The following EIF2AK2 variants were observed in gnomAD, a reference collection of about 807,000 sequenced individuals.
EIF2AK2 encodes eukaryotic translation initiation factor 2 alpha kinase 2.
Under a neutral mutation model 70.5 loss-of-function variants are expected in EIF2AK2, and 40 were observed. The observed-to-expected ratio is 0.57, with a 90% CI of 0.44 to 0.74. The LOEUF is 0.74. Ranked by LOEUF, EIF2AK2 falls within the 30% of genes least tolerant of loss-of-function variation. The pLI is 0.00. For missense variants in EIF2AK2, 555 were observed against 644.3 expected, an observed-to-expected ratio of 0.86 and a Z score of 1.50; for synonymous variants, 198 against 220.9, an observed-to-expected ratio of 0.90 and a Z score of 0.92.
At position 37,107,372 on chromosome 2, in the gene EIF2AK2, G is replaced by C; in HGVS notation, c.1557C>G (p.Leu519=). The change falls in exon 17 of 17, where the codon CTC becomes CTG. Residue 519 remains leucine (L), a synonymous_variant. Coordinates refer to ENST00000233057, the MANE Select transcript of EIF2AK2 (RefSeq NM_001135651.3). ...TAGGTCGATCCTCAGGTTTCTTTGA[G>C]AGTAATTTCTGTAGAAGAGTTTTCT... is the stretch of plus-strand genomic sequence containing the variant. The part of the protein sequence containing the change: ...KKEKTLLQKL[L]SKKPEDRPNT... The C allele has an allele frequency of 6.2e-7, 1 of 1,613,844 alleles. No individual in the cohort carries two copies. Among genetic ancestry groups the C allele is most frequent in the East Asian group, 2.2e-5 (1 of 44,846 alleles).
chr2:37,120,354 A>C (rs1484877052), intron 12 of EIF2AK2, among the ~76,000 whole-genome samples: 1 of 151,158 alleles, frequency 6.6e-6, no homozygotes, highest in Non-Finnish European at 1.5e-5. Flanking sequence ...AAATACAAAA[A>C]ATTAGCCAGG....
At position 37,146,351 on chromosome 2, in the gene EIF2AK2, G is replaced by A. The variant is rs537410560; in HGVS notation, c.240+502C>T. On this transcript the variant is annotated intron_variant, in intron 4 of 16. Transcript: ENST00000233057. ...AATGCATAACTGTATATGGGAAGAT[G>A]TAAATAGGTTATATGTAAATACTAT... 3.3e-5 allele frequency among the ~76,000 whole-genome samples: 5 copies of A among 152,332 alleles called. No homozygotes were observed. In the South Asian group the frequency reaches 6.2e-4, roughly 19 times the overall value.
chr2:37,111,921 ATCTCTC>A (rs71396206), intron 14 of EIF2AK2, among the ~76,000 whole-genome samples: 5 of 107,810 alleles, frequency 4.6e-5, no homozygotes, highest in Admixed American at 1.1e-4. Flanking sequence ...ATCATAATAA[ATCTCTC>A]TCTCTCTCTC....
Position 37,156,890 on chromosome 2 carries a change from G to A in EIF2AK2, c.-184+18C>T. The A allele has an allele frequency of 6.2e-6, 1 of 160,350 alleles. No individual in the cohort carries two copies. Among genetic ancestry groups the A allele is most frequent in the Non-Finnish European group, 1.3e-5 (1 of 75,140 alleles). The allele number at this position is 160,350 out of a possible 1,614,324, so 9.9% of individuals were successfully genotyped here. A position where few individuals can be genotyped will look rare whatever the true frequency, so the allele number is the denominator to read the frequency against. ...CCCCGCTCCCCGCGCTCCCTCGGCTGCCCCCTGCCCTGCTCACCTGCGCCG... is the reference window on the plus strand; with the variant it reads ...CCCCGCTCCCCGCGCTCCCTCGGCTACCCCCTGCCCTGCTCACCTGCGCCG... On this transcript the variant is annotated intron_variant, in intron 1 of 16. Transcript: ENST00000233057.
intron 12 of EIF2AK2, among the ~76,000 whole-genome samples, chr2:37,120,380 C>CT (rs1271126290): frequency 4.0e-5 from 6 of 151,300 alleles, no homozygotes; most frequent in African/African-American, 1.5e-4. Context: ...TGGCGGGCGC[C>CT]TGTAGTCCCA....
At chr2:37,122,127 A>G (rs1674574956) in intron 12 of EIF2AK2, among the ~76,000 whole-genome samples, 1 of 151,772 alleles carries the variant, frequency 6.6e-6, no homozygotes, top group Non-Finnish European at 1.5e-5. Context: ...AAGTGTTGGT[A>G]GCTGAGGAGG....
chr2:37,129,672 T>C (rs1020722720), intron 10 of EIF2AK2, among the ~76,000 whole-genome samples: 5 of 152,194 alleles, frequency 3.3e-5, no homozygotes, highest in Non-Finnish European at 2.9e-5. Context: ...GTTGATGGAA[T>C]GAAGGGCATA....
chr2:37,150,668 T>G (rs1675711289), intron 1 of EIF2AK2, among the ~76,000 whole-genome samples: 1 of 152,206 alleles, frequency 6.6e-6, no homozygotes, highest in African/African-American at 2.4e-5. Flanking sequence ...TGGTAAACTA[T>G]TTTGGAAATA....
At position 37,149,299 on chromosome 2, in the gene EIF2AK2, G is replaced by A. The variant is rs35609502; in HGVS notation, c.-183-276C>T. ...AGAAATAATTCATTATAAACATGCT[G>A]GATAATCTGTGGTATCAAACTATGG... On this transcript the variant is annotated intron_variant, in intron 1 of 16. Transcript: ENST00000233057. The A allele has an allele frequency of 2.0e-3, 2,054 of 1,051,004 alleles. 19 individuals carry two copies. In the Middle Eastern group the frequency reaches 0.04, roughly 20 times the overall value. The allele number at this position is 1,051,004 out of a possible 1,614,324, so 65.1% of individuals were successfully genotyped here.
At chr2:37,141,950 A>AT (rs1675347782) in intron 4 of EIF2AK2, among the ~76,000 whole-genome samples, 1 of 152,236 alleles carries the variant, frequency 6.6e-6, no homozygotes, top group Admixed American at 6.5e-5. Flanking sequence ...GGAAAGTACT[A>AT]TAACACTTTC....
rs1246511906 is a variant in EIF2AK2, at chr2:37,099,505, A to G, written c.*7768T>C. On this transcript the variant is annotated 3_prime_UTR_variant, in exon 17 of 17. Coordinates refer to ENST00000233057, the MANE Select transcript of EIF2AK2 (RefSeq NM_001135651.3). ...GGTAAGAACAATTAGGTACTAAACA[A>G]TGGGAGTACTAGGGAGAAGATTCAT... The G allele has an allele frequency of 6.6e-6, 1 of 152,210 alleles. No individual in the cohort carries two copies. Among genetic ancestry groups the G allele is most frequent in the Non-Finnish European group, 1.5e-5 (1 of 68,034 alleles). The allele number at this position is 152,210 out of a possible 1,614,324, so 9.4% of individuals were successfully genotyped here. A position where few individuals can be genotyped will look rare whatever the true frequency, so the allele number is the denominator to read the frequency against.
chr2:37,116,102 T>C (rs751931381), intron 13 of EIF2AK2, among the ~76,000 whole-genome samples: 6 of 152,136 alleles, frequency 3.9e-5, no homozygotes, highest in African/African-American at 1.2e-4. Context: ...TTTCACCATG[T>C]TGGCCAGATT....
At chr2:37,156,252 G>C (rs1049361017) in intron 1 of EIF2AK2, among the ~76,000 whole-genome samples, 2 of 152,186 alleles carry the variant, frequency 1.3e-5, no homozygotes, top group African/African-American at 2.4e-5. Flanking sequence ...CCGGAGTAGG[G>C]GGTGCGAGGG....
intron 10 of EIF2AK2, among the ~76,000 whole-genome samples, chr2:37,131,138 A>T (rs1329691822): frequency 6.6e-6 from 1 of 152,200 alleles, no homozygotes. Flanking sequence ...CACAAGAGGA[A>T]ATCTTGATCA....
In EIF2AK2 at chr2:37,144,145, C is replaced by T. The variant is rs548970504; in HGVS notation, c.241-2444G>A. ...GTACAGACAGCATTTCGCCATATTG[C>T]CCAGGATAATTTTAAACTCCTGGGT... On this transcript the variant is annotated intron_variant, in intron 4 of 16. Coordinates refer to ENST00000233057, the MANE Select transcript of EIF2AK2 (RefSeq NM_001135651.3). Among the ~76,000 whole-genome samples the T allele has an allele frequency of 2.6e-5, 4 of 152,176 alleles. No individual in the cohort carries two copies. The East Asian group carries it at 7.7e-4, about 29-fold the overall frequency.
chr2:37,110,287 G>A (rs965911546), intron 14 of EIF2AK2, among the ~76,000 whole-genome samples: 2 of 150,810 alleles, frequency 1.3e-5, no homozygotes, highest in Non-Finnish European at 3.0e-5. Context: ...TGGAGATGGA[G>A]TTTCAACATC....
Position 37,122,505 on chromosome 2 carries a change from C to T in EIF2AK2, c.1067+1G>A. 6.2e-7 allele frequency: 1 copy of T among 1,611,686 alleles called. No homozygotes were observed. Among genetic ancestry groups the T allele is most frequent in the African/African-American group, 1.3e-5 (1 of 74,840 alleles). Reference sequence around the variant, plus strand: ...GGCTATGAGAATTTATTTTTAGTTACCTTGAACTATTTTTGCTGTTCTCAG... The same window carrying T: ...GGCTATGAGAATTTATTTTTAGTTATCTTGAACTATTTTTGCTGTTCTCAG... On this transcript the variant is annotated splice_donor_variant, in intron 12 of 16. Transcript: ENST00000233057. LOFTEE classifies it high-confidence loss of function.
At chr2:37,113,873 C>T (rs1173086411) in intron 14 of EIF2AK2, among the ~76,000 whole-genome samples, 1 of 152,152 alleles carries the variant, frequency 6.6e-6, no homozygotes, top group African/African-American at 2.4e-5. Flanking sequence ...TTATTAGAAT[C>T]ACTTTTTTTA....
At chr2:37,135,331 A>G (rs4648204) in intron 10 of EIF2AK2, among the ~76,000 whole-genome samples, 153 bp downstream of exon 10, 8,717 of 152,302 alleles carry the variant, frequency 0.057, 393 homozygotes, top group African/African-American at 0.13. Context: ...CCCCCTCTTA[A>G]TGATAAGCCT....
Sources: gnomAD v4.1 joint callset for allele counts (sites outside exome capture counted in the v4.1 genomes callset) on GRCh38, gnomAD v4.1.1 for gene constraint, MANE v1.5 for transcripts, NCBI Gene and HGNC (gene_info 2026-07-23, HGNC 2026-07-21) for gene names.